Variants in SCGB2A1 observed in about 807,000 individuals in gnomAD.
SCGB2A1 encodes the protein secretoglobin family 2A member 1, also known as mammaglobin-B.
In SCGB2A1, 6 loss-of-function variants were observed where a neutral mutation model predicts 9.2. That is an observed-to-expected ratio of 0.66 (90% CI 0.36 to 1.29). The LOEUF is 1.29. Among genes scored for constraint, SCGB2A1 ranks in the 50% most tolerant of loss-of-function variants. The probability of loss-of-function intolerance (pLI) is 0.03; values close to 1 mark genes in which losing one functional copy is unlikely to be tolerated. For missense variants in SCGB2A1, 138 were observed against 116.9 expected, an observed-to-expected ratio of 1.18 and a Z score of -0.83; for synonymous variants, 37 against 41.0, an observed-to-expected ratio of 0.90 and a Z score of 0.37.
rs1565121453 is a variant in SCGB2A1 at position 62,213,029 on chromosome 11, T to TGC, written c.244-697_244-696insGC. On this transcript the variant is annotated intron_variant, in intron 2 of 2. Coordinates refer to ENST00000244930, the MANE Select transcript of SCGB2A1 (RefSeq NM_002407.3). ...ACATATATGCACATATATACATATA[T>TGC]ACACACATATATACATATATACACA... is the stretch of plus-strand genomic sequence containing the variant. Among the ~76,000 whole-genome samples, 167 of 53,824 alleles carry TGC rather than the reference T, an allele frequency of 3.1e-3. 2 individuals carry two copies. Among genetic ancestry groups the TGC allele is most frequent in the South Asian group, 8.7e-3 (8 of 918 alleles). The allele number at this position is 53,824 out of a possible 152,430, so 35.3% of individuals were successfully genotyped here. A position where few individuals can be genotyped will look rare whatever the true frequency, so the allele number is the denominator to read the frequency against.
intron 1 of SCGB2A1, among the ~76,000 whole-genome samples, chr11:62,209,243 A>G (rs1944808478): frequency 6.6e-6 from 1 of 152,146 alleles, no homozygotes; most frequent in Non-Finnish European, 1.5e-5. Flanking sequence ...CTGTGTTCTC[A>G]GAGTTGATCT....
rs67185438 is a variant in SCGB2A1, at chr11:62,213,012, G to GCACATATATACACATATATACATATATA, written c.244-702_244-701insCATATATACATATATACACATATATACA. 1.0e-4 allele frequency among the ~76,000 whole-genome samples: 14 copies of GCACATATATACACATATATACATATATA among 139,038 alleles called. No individual in the cohort carries two copies. In the East Asian group the frequency reaches 2.6e-3, roughly 26 times the overall value. 91.2% of individuals were successfully genotyped at this position (139,038 alleles called of 152,430 possible). ...TACATGCATATATGTACACATATAT[G>GCACATATATACACATATATACATATATA]CACATATATACATATATACACACAT... On this transcript the variant is annotated intron_variant, in intron 2 of 2. Coordinates refer to ENST00000244930, the MANE Select transcript of SCGB2A1 (RefSeq NM_002407.3).
chr11:62,210,537 G>C lies in SCGB2A1; in HGVS notation c.180G>C (p.Gly60=), dbSNP rs755555499. The change falls in exon 2 of 3, where the codon GGG becomes GGC. Residue 60 remains glycine, a synonymous_variant. Coordinates refer to ENST00000244930, the MANE Select transcript of SCGB2A1 (RefSeq NM_002407.3). ...IDSDAAAEAM[G]KFKQCFLNQS... ...GTGATGCCGCTGCAGAGGCTATGGG[G>C]AAATTCAAGCAGTGTTTCCTCAACC... 1 of 1,585,230 alleles carries C rather than the reference G, an allele frequency of 6.3e-7. No individual in the cohort carries two copies. The highest frequency in any genetic ancestry group is 8.5e-7 in the Non-Finnish European group (1 of 1,170,728).
intron 2 of SCGB2A1, among the ~76,000 whole-genome samples, chr11:62,213,033 CACATATAT>C (rs1442076867): frequency 3.8e-5 from 5 of 133,332 alleles, no homozygotes; most frequent in Non-Finnish European, 7.8e-5. Context: ...CATATATACA[CACATATAT>C]ACATATATAC....
chr11:62,210,431 T>C lies in SCGB2A1; in HGVS notation c.74T>C (p.Leu25Pro). The C allele has an allele frequency of 6.9e-7, 1 of 1,454,226 alleles. No homozygotes were observed. Among genetic ancestry groups the C allele is most frequent in the South Asian group, 1.3e-5 (1 of 77,744 alleles). The allele number at this position is 1,454,226 out of a possible 1,614,324, so 90.1% of individuals were successfully genotyped here. The change falls in exon 2 of 3, where the codon CTG (leucine) becomes CCG (proline). Residue 25 changes from leucine to proline, a missense_variant. Leu to Pro is a moderately conservative substitution (Grantham distance 98, BLOSUM62 -3). Transcript: ENST00000244930. Reference sequence around the variant, plus strand: ...TTTCCAGATTCTGGCTGCAAACTCCTGGAGGACATGGTTGAAAAGACCATC... The same window carrying C: ...TTTCCAGATTCTGGCTGCAAACTCCCGGAGGACATGGTTGAAAAGACCATC... Reference protein sequence around the residue: ...HCYADSGCKLLEDMVEKTINS... With the variant: ...HCYADSGCKLPEDMVEKTINS...
intron 1 of SCGB2A1, among the ~76,000 whole-genome samples, chr11:62,210,100 T>C (rs1944816244): frequency 6.6e-6 from 1 of 152,176 alleles, no homozygotes; most frequent in Non-Finnish European, 1.5e-5. Flanking sequence ...TTGCATGACT[T>C]TGAACCAAGA....
At chr11:62,210,386 CT>C (rs201416395) in intron 1 of SCGB2A1, 26 bp from the exon 2 acceptor site, 241,127 of 1,275,516 alleles carry the variant, frequency 0.19, 3,885 homozygotes, top group Non-Finnish European at 0.22. Flanking sequence ...GTTCTTGTGT[CT>C]TTTTTTTTTT....
rs774531451 is a variant in SCGB2A1, at chr11:62,210,490, C to T, written c.133C>T (p.Leu45Phe). 3 of 1,595,506 alleles carry T rather than the reference C, an allele frequency of 1.9e-6. No homozygotes were observed. Among genetic ancestry groups the T allele is most frequent in the South Asian group, 1.2e-5 (1 of 85,094 alleles). The change falls in exon 2 of 3, where the codon CTT becomes TTT. Residue 45 changes from leucine (L) to phenylalanine (F), a missense_variant. Coordinates refer to ENST00000244930, the MANE Select transcript of SCGB2A1 (RefSeq NM_002407.3). ...SDISIPEYKELLQEFIDSDAA... is the reference protein window; with the variant it reads ...SDISIPEYKEFLQEFIDSDAA... ...CATATCTATACCTGAATACAAAGAG[C>T]TTCTTCAAGAGTTCATAGACAGTGA...
At chr11:62,211,991 C>T (rs1363468101) in intron 2 of SCGB2A1, among the ~76,000 whole-genome samples, 2 of 152,020 alleles carry the variant, frequency 1.3e-5, no homozygotes, top group Admixed American at 1.3e-4. Flanking sequence ...GGCACGATCT[C>T]GGCTCACTAC....
rs201416395 is a variant in SCGB2A1 at position 62,210,386 on chromosome 11, C to CTTTT, written c.56-8_56-5dup. The CTTTT allele has an allele frequency of 5.6e-5, 76 of 1,349,434 alleles. 1 individual carries two copies. Among genetic ancestry groups the CTTTT allele is most frequent in the African/African-American group, 2.3e-4 (13 of 57,660 alleles). 83.6% of individuals were successfully genotyped at this position (1,349,434 alleles called of 1,614,324 possible). A position where few individuals can be genotyped will look rare whatever the true frequency, so the allele number is the denominator to read the frequency against. The stretch of plus-strand genomic sequence containing the variant: ...CTAGTAATGGCCCATGTTCTTGTGT[C>CTTTT]TTTTTTTTTTTTTTTTTTTTTTCCA... On this transcript the variant is annotated intron_variant, in intron 1 of 2. Coordinates refer to ENST00000244930, the MANE Select transcript of SCGB2A1 (RefSeq NM_002407.3).
intron 2 of SCGB2A1, among the ~76,000 whole-genome samples, chr11:62,213,106 A>ATATATATATATATATTTT (rs67975205): frequency 2.6e-5 from 3 of 116,252 alleles, no homozygotes; most frequent in Non-Finnish European, 5.1e-5. Flanking sequence ...ATATATATAT[A>ATATATATATATATATTTT]TTTTTTTTTT....
chr11:62,210,858 CAG>C (rs1944824302), intron 2 of SCGB2A1, among the ~76,000 whole-genome samples: 1 of 151,920 alleles, frequency 6.6e-6, no homozygotes, highest in South Asian at 2.1e-4. Context: ...CCTTCTCACA[CAG>C]ACACAGACAC....
intron 2 of SCGB2A1, among the ~76,000 whole-genome samples, chr11:62,213,040 A>G (rs1944847941): frequency 4.1e-5 from 5 of 122,238 alleles, no homozygotes; most frequent in African/African-American, 1.4e-4. Flanking sequence ...ACACACATAT[A>G]TACATATATA....
intron 2 of SCGB2A1, among the ~76,000 whole-genome samples, chr11:62,212,758 C>CA (rs907070824): frequency 5.3e-5 from 8 of 151,990 alleles, no homozygotes; most frequent in Non-Finnish European, 1.2e-4. Flanking sequence ...GTTTTTGAGA[C>CA]AGAGTCTTGC....
At chr11:62,213,115 T>TTTTTTGTAGAGATGGCATTTTGTTATA (rs1944852284) in intron 2 of SCGB2A1, among the ~76,000 whole-genome samples, 1 of 145,652 alleles carries the variant, frequency 6.9e-6, no homozygotes, top group Non-Finnish European at 1.5e-5. Context: ...TATTTTTTTT[T>TTTTTTGTAGAGATGGCATTTTGTTATA]TTGTAGAGAT....
chr11:62,209,679 T>TGTGTGTGTGTGTGTGTGTGTG (rs1554985480), intron 1 of SCGB2A1, among the ~76,000 whole-genome samples: 1 of 90,042 alleles, frequency 1.1e-5, no homozygotes, highest in African/African-American at 3.9e-5. Flanking sequence ...GTGTGTGTGT[T>TGTGTGTGTGTGTGTGTGTGTG]TGAGACAGGG....
intron 2 of SCGB2A1, among the ~76,000 whole-genome samples, chr11:62,213,051 CACATATATACACATATATACAT>C (rs1944848515): frequency 1.3e-5 from 1 of 76,870 alleles, no homozygotes; most frequent in African/African-American, 4.1e-5. Flanking sequence ...TACATATATA[CACATATATACACATATATACAT>C]ATATACACAT....
chr11:62,211,151 T>C (rs1944828223), intron 2 of SCGB2A1, among the ~76,000 whole-genome samples: 1 of 151,854 alleles, frequency 6.6e-6, no homozygotes. Context: ...CTCAAACTCC[T>C]AACCTCAAGT....
Position 62,208,676 on chromosome 11 carries a change from G to A in SCGB2A1, c.-56G>A. On this transcript the variant is annotated 5_prime_UTR_variant, in exon 1 of 3. Coordinates refer to ENST00000244930, the MANE Select transcript of SCGB2A1 (RefSeq NM_002407.3). ...GCAGGGCTGGGTACTCACCTCCACAGCAACTTCCTTGATCCCTGCCACGCA... is the reference window on the plus strand; with the variant it reads ...GCAGGGCTGGGTACTCACCTCCACAACAACTTCCTTGATCCCTGCCACGCA... The A allele has an allele frequency of 1.3e-6, 2 of 1,587,574 alleles. No individual in the cohort carries two copies. The highest frequency in any genetic ancestry group is 1.1e-5 in the South Asian group (1 of 90,336).
Sources: allele counts gnomAD v4.1 joint callset (sites outside exome capture counted in the v4.1 genomes callset), GRCh38; gene constraint gnomAD v4.1.1; transcripts MANE v1.5; gene names NCBI Gene and HGNC (gene_info 2026-07-23, HGNC 2026-07-21).